SGCD: variants seen among roughly 807,000 people sequenced by gnomAD.
SGCD encodes sarcoglycan delta, also known as delta-sarcoglycan.
A neutral mutation model predicts 36.6 loss-of-function variants in SGCD; 18 were observed. The observed-to-expected ratio is 0.49, with a 90% confidence interval of 0.34 to 0.73. SGCD has a LOEUF of 0.73. Among genes scored for constraint, SGCD ranks in the 30% least tolerant of loss-of-function variants. The pLI, the probability that SGCD is intolerant of heterozygous loss-of-function variation, is 0.01. For missense variants in SGCD, 387 were observed against 346.7 expected (o/e 1.12, Z -0.92); for synonymous variants, 133 against 130.6 (o/e 1.02, Z -0.12).
Position 156,183,971 on chromosome 5 carries a change from A to C in SGCD, c.-44+59952A>C, listed in dbSNP as rs185252344. Among the ~76,000 whole-genome samples the C allele has an allele frequency of 1.7e-3, 255 of 152,330 alleles. 2 individuals carry two copies. The highest frequency in any genetic ancestry group is 5.8e-3 in the African/African-American group (242 of 41,580). ...GCTTTCAGTAGGGTTACATTTTGAC[A>C]AACACATCATCAGCTGAAAATATTG... On this transcript the variant is annotated intron_variant, in intron 3 of 9. Coordinates refer to the SGCD transcript ENST00000517913.
At chr5:156,708,986 C>T (rs997683753) in intron 7 of SGCD, among the ~76,000 whole-genome samples, 1 of 152,004 alleles carries the variant, frequency 6.6e-6, no homozygotes, top group Non-Finnish European at 1.5e-5. Flanking sequence ...TATTCCTCTC[C>T]TCTCGGTACC....
intron 1 of SGCD, among the ~76,000 whole-genome samples, chr5:155,980,156 C>G (rs931194705): frequency 3.3e-5 from 5 of 152,282 alleles, no homozygotes; most frequent in Admixed American, 2.6e-4. Context: ...GACTTCCAGC[C>G]TCCAAAACTG....
Position 156,596,109 on chromosome 5 carries a change from A to G in SGCD, c.502+1058A>G, listed in dbSNP as rs866192165. 3.3e-5 allele frequency among the ~76,000 whole-genome samples: 5 copies of G among 152,306 alleles called. 1 individual carries two copies. Among genetic ancestry groups the G allele is most frequent in the Non-Finnish European group, 7.4e-5 (5 of 68,024 alleles). Reference sequence around the variant, plus strand: ...CATCTTGAGTTGTCCCTAAGGTTAAATGAGACTCTGTTACATCCACTTATC... The same window carrying G: ...CATCTTGAGTTGTCCCTAAGGTTAAGTGAGACTCTGTTACATCCACTTATC... On this transcript the variant is annotated intron_variant, in intron 6 of 8. Coordinates refer to ENST00000337851, the MANE Select transcript of SGCD (RefSeq NM_000337.6).
chr5:156,624,150 T>C (rs1762356398), intron 6 of SGCD, among the ~76,000 whole-genome samples: 1 of 152,136 alleles, frequency 6.6e-6, no homozygotes, highest in South Asian at 2.1e-4. Context: ...CACAGGAATT[T>C]CAAGGAGAGG....
intron 3 of SGCD, among the ~76,000 whole-genome samples, chr5:156,476,025 G>A (rs1755162777): frequency 6.6e-6 from 1 of 152,212 alleles, no homozygotes. Flanking sequence ...TGCCGTGGCT[G>A]AGGGTAACAG....
intron 3 of SGCD, among the ~76,000 whole-genome samples, chr5:156,141,167 C>T (rs1312892660): frequency 6.6e-6 from 1 of 152,194 alleles, no homozygotes; most frequent in African/African-American, 2.4e-5. Flanking sequence ...GCTGCCTCTA[C>T]CTAAATTTCA....
intron 1 of SGCD, among the ~76,000 whole-genome samples, chr5:155,991,990 G>T (rs1758440985): frequency 6.6e-6 from 1 of 152,180 alleles, no homozygotes; most frequent in Admixed American, 6.5e-5. Flanking sequence ...ATATTAGCAT[G>T]GAGATTGATG....
chr5:156,454,113 G>T (rs1366001408), intron 3 of SGCD, among the ~76,000 whole-genome samples: 1 of 152,142 alleles, frequency 6.6e-6, no homozygotes, highest in Non-Finnish European at 1.5e-5. Flanking sequence ...TTATGTATAA[G>T]TCAGACCTCA....
intron 3 of SGCD, among the ~76,000 whole-genome samples, chr5:156,435,769 A>G (rs551030272): frequency 6.6e-6 from 1 of 152,276 alleles, no homozygotes; most frequent in East Asian, 1.9e-4. Flanking sequence ...CCATCTGTTT[A>G]TTAATTCCAT....
intron 3 of SGCD, among the ~76,000 whole-genome samples, chr5:156,428,624 C>T (rs1216833296): frequency 1.3e-5 from 2 of 151,838 alleles, no homozygotes; most frequent in Admixed American, 6.6e-5. Context: ...TGAAGTGTAA[C>T]CTTAGATTGT....
rs765681741 is a variant in SGCD, at chr5:156,544,947, A to G, written c.294+36245A>G. 5.3e-5 allele frequency among the ~76,000 whole-genome samples: 8 copies of G among 152,302 alleles called. No homozygotes were observed. The South Asian group carries it at 1.2e-3, about 24-fold the overall frequency. Reference sequence around the variant, plus strand: ...CATAGCTAGTTTGTGGAGGAGTCCAAGCATTCTTCTGACTGGGTGACCTCT... The same window carrying G: ...CATAGCTAGTTTGTGGAGGAGTCCAGGCATTCTTCTGACTGGGTGACCTCT... On this transcript the variant is annotated intron_variant, in intron 4 of 8. Coordinates refer to ENST00000337851, the MANE Select transcript of SGCD (RefSeq NM_000337.6).
At chr5:155,919,286 G>A (rs1412149451) in intron 1 of SGCD, among the ~76,000 whole-genome samples, 3 of 152,180 alleles carry the variant, frequency 2.0e-5, no homozygotes, top group African/African-American at 7.2e-5. Context: ...ACATGATTGA[G>A]TTACGACATG....
chr5:156,325,937 G>A (rs377036138), upstream of SGCD, among the ~76,000 whole-genome samples: 6 of 152,144 alleles, frequency 3.9e-5, 1 homozygote, highest in East Asian at 1.9e-4. Context: ...CGACCCCACC[G>A]AATCCTATTA....
chr5:156,005,623 T>C (rs761979075), intron 1 of SGCD, among the ~76,000 whole-genome samples: 1 of 152,182 alleles, frequency 6.6e-6, no homozygotes, highest in Non-Finnish European at 1.5e-5. Flanking sequence ...GCTAATTTTT[T>C]GTATTTTTAG....
At chr5:156,423,106 A>C (rs1351915828) in intron 3 of SGCD, among the ~76,000 whole-genome samples, 2 of 138,560 alleles carry the variant, frequency 1.4e-5, no homozygotes, top group Non-Finnish European at 3.1e-5. Flanking sequence ...ATTAGAAACA[A>C]CTGAAAAAGG....
intron 3 of SGCD, among the ~76,000 whole-genome samples, chr5:156,466,867 A>G (rs1469278738): frequency 2.0e-5 from 3 of 152,098 alleles, no homozygotes; most frequent in South Asian, 2.1e-4. Flanking sequence ...ATAAAATGCA[A>G]TTTTTTATTT....
At chr5:156,296,314 G>T (rs1269943860) in intron 3 of SGCD, among the ~76,000 whole-genome samples, 1 of 152,174 alleles carries the variant, frequency 6.6e-6, no homozygotes, top group African/African-American at 2.4e-5. Context: ...ACTAGAGACG[G>T]TGTCAAAGGT....
chr5:156,396,076 G>T (rs550219248), intron 3 of SGCD, among the ~76,000 whole-genome samples: 2 of 152,200 alleles, frequency 1.3e-5, no homozygotes, highest in Admixed American at 1.3e-4. Context: ...AAGCTACCTG[G>T]GTAACTGAAC....
intron 3 of SGCD, among the ~76,000 whole-genome samples, chr5:156,179,594 C>A (rs1299567272): frequency 6.6e-6 from 1 of 151,728 alleles, no homozygotes; most frequent in Non-Finnish European, 1.5e-5. Context: ...TCTCCTCACC[C>A]CAATGAATAT....
Sources: allele counts gnomAD v4.1 joint callset (sites outside exome capture counted in the v4.1 genomes callset), GRCh38; gene constraint gnomAD v4.1.1; transcripts MANE v1.5; gene names NCBI Gene and HGNC (gene_info 2026-07-23, HGNC 2026-07-21).